TCF4: variants seen among roughly 807,000 people sequenced by gnomAD.
The protein encoded by TCF4 is transcription factor 4.
TCF4 carries 3 observed loss-of-function variants against 82.1 expected under a neutral mutation model. That is an observed-to-expected ratio of 0.04 (90% confidence interval 0.02 to 0.09). The LOEUF (loss-of-function observed/expected upper bound fraction) is 0.09. Among genes scored for constraint, TCF4 ranks in the 10% least tolerant of loss-of-function variants. TCF4 has a pLI of 1.00. For synonymous variants in TCF4, 276 were observed against 309.6 expected, an observed-to-expected ratio of 0.89 and a Z score of 1.14; for missense variants, 518 against 852.7, an observed-to-expected ratio of 0.61 and a Z score of 4.89.
intron 3 of TCF4, among the ~76,000 whole-genome samples, chr18:55,573,974 T>C (rs968055219): frequency 1.3e-5 from 2 of 152,152 alleles, no homozygotes; most frequent in African/African-American, 2.4e-5. Context: ...ATAATTCAAG[T>C]GTGGGGATAA....
rs368086397 is a variant in TCF4, at chr18:55,280,688, A to G, written c.550-1032T>C. ...GCAGCGGCTCACAAAATTGGCAGTG[A>G]GCCTACAGTGATATTCACAGGTCAC... On this transcript the variant is annotated intron_variant, in intron 8 of 19. Transcript: ENST00000354452. 2.6e-5 allele frequency among the ~76,000 whole-genome samples: 4 copies of G among 152,276 alleles called. No individual in the cohort carries two copies. The East Asian group carries it at 5.8e-4, about 22-fold the overall frequency.
At chr18:55,634,152 C>T (rs533895968) in intron 1 of TCF4, among the ~76,000 whole-genome samples, 1 of 152,116 alleles carries the variant, frequency 6.6e-6, no homozygotes, top group Non-Finnish European at 1.5e-5. Flanking sequence ...GCCTGTAATC[C>T]CAGCTACATG....
exon 2 of TCF4, chr18:55,631,382 A>T: frequency 6.5e-7 from 1 of 1,547,964 alleles, no homozygotes; most frequent in South Asian, 1.2e-5. Context: ...TGTTTACAAA[A>T]CATTTGCTGC....
At chr18:55,574,156 A>G (rs2097504673) in intron 3 of TCF4, among the ~76,000 whole-genome samples, 2 of 152,152 alleles carry the variant, frequency 1.3e-5, no homozygotes, top group Non-Finnish European at 2.9e-5. Context: ...TTCAAGGGCC[A>G]ATTTCCATAA....
intron 3 of TCF4, among the ~76,000 whole-genome samples, chr18:55,467,623 G>A (rs1268568581): frequency 6.6e-6 from 1 of 152,154 alleles, no homozygotes; most frequent in Non-Finnish European, 1.5e-5. Context: ...GGTTTCAGCA[G>A]CATTCACTAT....
At chr18:55,576,091 C>A (rs984256458) in intron 3 of TCF4, among the ~76,000 whole-genome samples, 1 of 151,944 alleles carries the variant, frequency 6.6e-6, no homozygotes, top group Non-Finnish European at 1.5e-5. Flanking sequence ...ATGTGAAAAC[C>A]CCTCTTGAAT....
intron 2 of TCF4, among the ~76,000 whole-genome samples, chr18:55,617,017 T>C (rs1373486103): frequency 6.6e-6 from 1 of 152,122 alleles, no homozygotes; most frequent in Non-Finnish European, 1.5e-5. Context: ...CCAAGACCAA[T>C]ATTGTGAAGT....
At chr18:55,279,489 C>T (rs1407161283) in intron 9 of TCF4, 62 bp downstream of exon 9, 2 of 1,611,218 alleles carry the variant, frequency 1.2e-6, no homozygotes, top group African/African-American at 1.3e-5. Context: ...CCATCTGTGA[C>T]ATTAAGTGAC....
chr18:55,585,248 T>A, intron 3 of TCF4, 32 bp downstream of exon 3: 1 of 1,595,084 alleles, frequency 6.3e-7, no homozygotes, highest in Non-Finnish European at 8.6e-7. Flanking sequence ...CCCAGAACAT[T>A]TAACTTAACA....
rs1194038204 is a variant in TCF4 at position 55,279,637 on chromosome 18, C to T, written c.569G>A (p.Ser190Asn). 3 of 1,613,826 alleles carry T rather than the reference C, an allele frequency of 1.9e-6. No homozygotes were observed. In the African/African-American group the frequency reaches 4.0e-5, roughly 22 times the overall value. Residue 190 changes from serine (S) to asparagine (N), a missense_variant, in exon 9 of 20, where the codon AGC becomes AAC. Ser to Asn is a conservative substitution (Grantham distance 46). Coordinates refer to ENST00000354452, the MANE Select transcript of TCF4 (RefSeq NM_001083962.2). ...LPSSVYAPSA[S>N]TADYNRDSPG... ...CGAGTCCCTATTGTAGTCGGCAGTG[C>T]TTGCTGATGGAGCATAGACCTGAGG...
rs1362754100 is a variant in TCF4 at position 55,585,344 on chromosome 18, T to G, written c.81A>C (p.Ser27=). The change falls in exon 3 of 20, where the codon TCA becomes TCC. Residue 27 remains serine, a synonymous_variant. Transcript: ENST00000354452. ...CATTTTTCCCACTGCTCACAGGAGG[T>G]GAAAACATCTAAAAGAAACAAAGAA... ...SDLLDFSAMF[S]PPVSSGKNGP... 1 of 1,613,604 alleles carries G rather than the reference T, an allele frequency of 6.2e-7. No individual in the cohort carries two copies. Among genetic ancestry groups the G allele is most frequent in the African/African-American group, 1.3e-5 (1 of 74,860 alleles).
chr18:55,610,884 C>T (rs1016238056), intron 2 of TCF4, among the ~76,000 whole-genome samples: 4 of 152,152 alleles, frequency 2.6e-5, no homozygotes, highest in African/African-American at 7.2e-5. Context: ...TGTACTGAAA[C>T]GCAGCAATTT....
intron 3 of TCF4, among the ~76,000 whole-genome samples, chr18:55,581,910 C>G (rs1049017003): frequency 5.3e-5 from 8 of 152,054 alleles, no homozygotes; most frequent in Non-Finnish European, 7.4e-5. Context: ...ACTAAACAGT[C>G]ACAGGGGAAA....
At chr18:55,541,128 A>G (rs2097161779) in intron 3 of TCF4, among the ~76,000 whole-genome samples, 1 of 151,988 alleles carries the variant, frequency 6.6e-6, no homozygotes, top group Non-Finnish European at 1.5e-5. Context: ...CTATGCCCAT[A>G]AAGTGATACA....
chr18:55,296,864 A>G (rs550163277), intron 8 of TCF4, among the ~76,000 whole-genome samples: 8 of 152,304 alleles, frequency 5.3e-5, no homozygotes, highest in African/African-American at 1.9e-4. Flanking sequence ...ATTTAGGCAC[A>G]TGGTAAACTG....
chr18:55,534,092 C>A (rs760487472), intron 3 of TCF4, among the ~76,000 whole-genome samples: 10 of 152,146 alleles, frequency 6.6e-5, no homozygotes, highest in South Asian at 6.2e-4. Flanking sequence ...TCATGTATAC[C>A]TTACACACAT....
chr18:55,588,119 C>G lies in TCF4; in HGVS notation c.-102G>C. The G allele has an allele frequency of 9.6e-7, 1 of 1,042,582 alleles. No homozygotes were observed. Among genetic ancestry groups the G allele is most frequent in the Non-Finnish European group, 1.1e-6 (1 of 872,520 alleles). The allele number at this position is 1,042,582 out of a possible 1,614,324, so 64.6% of individuals were successfully genotyped here. A position where few individuals can be genotyped will look rare whatever the true frequency, so the allele number is the denominator to read the frequency against. On this transcript the variant is annotated 5_prime_UTR_variant, in exon 1 of 20. Coordinates refer to ENST00000354452, the MANE Select transcript of TCF4 (RefSeq NM_001083962.2). ...GTCTAACCGCCGCCGCCACCGCCGCCGCCTGCTCCTGCGCCCGCTCCCGCG... is the reference window on the plus strand; with the variant it reads ...GTCTAACCGCCGCCGCCACCGCCGCGGCCTGCTCCTGCGCCCGCTCCCGCG...
intron 15 of TCF4, among the ~76,000 whole-genome samples, chr18:55,247,084 G>A (rs1052181896): frequency 1.3e-5 from 2 of 152,104 alleles, no homozygotes; most frequent in African/African-American, 4.8e-5. Flanking sequence ...ACAACGCTAC[G>A]GACAAAATGA....
chr18:55,457,547 A>C (rs2095788874), intron 5 of TCF4, among the ~76,000 whole-genome samples: 1 of 152,116 alleles, frequency 6.6e-6, no homozygotes, highest in African/African-American at 2.4e-5. Context: ...GTGCAATGGC[A>C]TGATGTCAGC....
Sources: allele counts gnomAD v4.1 joint callset (sites outside exome capture counted in the v4.1 genomes callset), GRCh38; gene constraint gnomAD v4.1.1; transcripts MANE v1.5; gene names NCBI Gene and HGNC (gene_info 2026-07-23, HGNC 2026-07-21).